The following MEGF11 variants were observed in gnomAD, a reference collection of about 807,000 sequenced individuals.
MEGF11 encodes the protein multiple epidermal growth factor-like domains protein 11.
In MEGF11, 126 loss-of-function variants were observed where a neutral mutation model predicts 146.6. The ratio of observed to expected loss-of-function variants is 0.86; its 90% confidence interval spans 0.74 to 1.00. The LOEUF is 1.00. Among genes scored for constraint, MEGF11 ranks in the 50% least tolerant of loss-of-function variants. The pLI is 0.00. For missense variants in MEGF11, 1,509 were observed against 1,521.2 expected, an observed-to-expected ratio of 0.99 and a Z score of 0.13; for synonymous variants, 532 against 583.4, an observed-to-expected ratio of 0.91 and a Z score of 1.27.
At chr15:66,062,427 G>A (rs2084943008) in intron 5 of MEGF11, among the ~76,000 whole-genome samples, 2 of 152,218 alleles carry the variant, frequency 1.3e-5, no homozygotes, top group Admixed American at 1.3e-4. Flanking sequence ...AGAGAACTGT[G>A]GGCAGCCTCT....
intron 25 of MEGF11, chr15:65,898,357 A>C: frequency 1.0e-6 from 1 of 985,400 alleles, no homozygotes; most frequent in Non-Finnish European, 1.2e-6. Flanking sequence ...AGGGACATAA[A>C]CTGGGAGAAG....
intron 5 of MEGF11, among the ~76,000 whole-genome samples, chr15:66,047,597 CCTT>C (rs1567217129): frequency 6.6e-6 from 1 of 152,228 alleles, no homozygotes; most frequent in African/African-American, 2.4e-5. Flanking sequence ...AGAATAGACA[CCTT>C]CTTCAGGTCC....
intron 5 of MEGF11, among the ~76,000 whole-genome samples, chr15:66,059,828 C>A (rs943993335): frequency 6.6e-6 from 1 of 152,184 alleles, no homozygotes; most frequent in African/African-American, 2.4e-5. Context: ...AGGGAGCTAA[C>A]ATGCTGATTT....
At chr15:66,094,722 G>A (rs2086466312) in intron 4 of MEGF11, among the ~76,000 whole-genome samples, 1 of 152,162 alleles carries the variant, frequency 6.6e-6, no homozygotes, top group African/African-American at 2.4e-5. Flanking sequence ...TTCTTAAAAT[G>A]AAACCCAAGC....
At chr15:65,984,759 C>CTTAT (rs34021202) in intron 5 of MEGF11, among the ~76,000 whole-genome samples, 8,566 of 151,482 alleles carry the variant, frequency 0.057, 362 homozygotes, top group Non-Finnish European at 0.084. Flanking sequence ...CCACATTTTA[C>CTTAT]TTATTTATTT....
At chr15:66,249,479 G>A (rs1047192114) in intron 1 of MEGF11, among the ~76,000 whole-genome samples, 2 of 152,044 alleles carry the variant, frequency 1.3e-5, no homozygotes, top group African/African-American at 2.4e-5. Flanking sequence ...TCCAATACAC[G>A]ACACCTATTT....
chr15:66,098,522 C>A (rs561255964), intron 4 of MEGF11, among the ~76,000 whole-genome samples: 1 of 152,342 alleles, frequency 6.6e-6, no homozygotes, highest in African/African-American at 2.4e-5. Flanking sequence ...CCCTGGCCAA[C>A]TAGCCTGACA....
At chr15:65,910,658 G>C (rs899450074) in intron 21 of MEGF11, among the ~76,000 whole-genome samples, 1 of 152,192 alleles carries the variant, frequency 6.6e-6, no homozygotes, top group African/African-American at 2.4e-5. Flanking sequence ...TGGCCTTGGG[G>C]TGTTGGCTTG....
At position 66,083,604 on chromosome 15, in the gene MEGF11, T is replaced by G. The variant is rs372657522; in HGVS notation, c.394+10798A>C. ...CATATTACACTAAAAGCACGGGCAA[T>G]GAAAGAAAAAATAGTTAAATTGGAC... is the stretch of plus-strand genomic sequence containing the variant. On this transcript the variant is annotated intron_variant, in intron 5 of 25. Coordinates refer to ENST00000395614, the MANE Select transcript of MEGF11 (RefSeq NM_001385028.1). Among the ~76,000 whole-genome samples, 21 of 151,154 alleles carry G rather than the reference T, an allele frequency of 1.4e-4. No homozygotes were observed. In the East Asian group the frequency reaches 3.1e-3, roughly 22 times the overall value.
intron 1 of MEGF11, among the ~76,000 whole-genome samples, chr15:66,216,650 T>C (rs533698277): frequency 7.2e-5 from 11 of 152,300 alleles, no homozygotes; most frequent in African/African-American, 2.6e-4. Flanking sequence ...GCCCAGACCC[T>C]GGTCCAACCT....
At chr15:65,986,665 CTT>C (rs887098650) in intron 5 of MEGF11, among the ~76,000 whole-genome samples, 9 of 152,248 alleles carry the variant, frequency 5.9e-5, no homozygotes, top group South Asian at 2.1e-4. Context: ...TACAAGAAGA[CTT>C]TGCATTCTTT....
chr15:66,124,118 G>T, intron 2 of MEGF11, 118 bp from the exon 3 acceptor site: 1 of 771,292 alleles, frequency 1.3e-6, no homozygotes, highest in Non-Finnish European at 2.2e-6. Flanking sequence ...GTGTCCGGAG[G>T]CTCTGACCTC....
chr15:66,028,338 A>G (rs2083406762), intron 5 of MEGF11, among the ~76,000 whole-genome samples: 1 of 152,240 alleles, frequency 6.6e-6, no homozygotes, highest in African/African-American at 2.4e-5. Context: ...CACAACAGGG[A>G]GGTCCTATTT....
intron 1 of MEGF11, among the ~76,000 whole-genome samples, chr15:66,159,596 A>T (rs1293440972): frequency 6.6e-6 from 1 of 152,206 alleles, no homozygotes; most frequent in Non-Finnish European, 1.5e-5. Flanking sequence ...TCAGTGACCT[A>T]CAGCGTGTGG....
In MEGF11 at chr15:66,130,236, C is replaced by G. The variant is rs548527710; in HGVS notation, c.-8-1825G>C. The stretch of plus-strand genomic sequence containing the variant: ...GCTATGCGGAGAGTCAAAAGTGGAA[C>G]AAGCATCTTCTTCCAAGTGGGGTTT... On this transcript the variant is annotated intron_variant, in intron 1 of 25. Coordinates refer to ENST00000395614, the MANE Select transcript of MEGF11 (RefSeq NM_001385028.1). Among the ~76,000 whole-genome samples the G allele has an allele frequency of 1.9e-3, 293 of 152,280 alleles. 1 individual carries two copies. The highest frequency in any genetic ancestry group is 3.5e-3 in the Non-Finnish European group (237 of 68,020).
intron 23 of MEGF11, among the ~76,000 whole-genome samples, chr15:65,908,255 A>G (rs1197520322): frequency 1.3e-5 from 2 of 152,136 alleles, no homozygotes; most frequent in African/African-American, 2.4e-5. Context: ...CAGTTTCCTT[A>G]GAGTTCTAGA....
intron 5 of MEGF11, among the ~76,000 whole-genome samples, chr15:65,993,243 C>T (rs1046888208): frequency 6.6e-6 from 1 of 152,144 alleles, no homozygotes; most frequent in Non-Finnish European, 1.5e-5. Context: ...CACCTTATAC[C>T]ATACAGCAAT....
chr15:66,198,857 G>A (rs1039814754), intron 1 of MEGF11, among the ~76,000 whole-genome samples: 1 of 152,030 alleles, frequency 6.6e-6, no homozygotes, highest in Non-Finnish European at 1.5e-5. Flanking sequence ...CAAGCCATCC[G>A]CCTGCCATGG....
intron 5 of MEGF11, among the ~76,000 whole-genome samples, chr15:66,064,825 G>A (rs2085051602): frequency 6.6e-6 from 1 of 152,052 alleles, no homozygotes. Context: ...CACCACTCCC[G>A]GCCTTGTGAG....
Sources: gnomAD v4.1 joint callset for allele counts (sites outside exome capture counted in the v4.1 genomes callset) on GRCh38, gnomAD v4.1.1 for gene constraint, MANE v1.5 for transcripts, NCBI Gene and HGNC (gene_info 2026-07-23, HGNC 2026-07-21) for gene names.